Variants in AK7 observed in about 807,000 individuals in gnomAD.
AK7 encodes the protein adenylate kinase 7, also known as ATP-AMP transphosphorylase 7.
A neutral mutation model predicts 96.6 loss-of-function variants in AK7; 78 were observed. The observed-to-expected ratio is 0.81, with a 90% CI of 0.67 to 0.97. The LOEUF (loss-of-function observed/expected upper bound fraction) is 0.97. AK7 is among the 50% of genes least tolerant of loss of function. AK7 has a pLI of 0.00. For synonymous variants in AK7, 302 were observed against 317.2 expected, an observed-to-expected ratio of 0.95 and a Z score of 0.51; for missense variants, 855 against 887.9, an observed-to-expected ratio of 0.96 and a Z score of 0.47.
rs1185437460 is a variant in AK7 at position 96,471,578 on chromosome 14, C to T, written c.1458C>T (p.Thr486=). 2.5e-6 allele frequency: 4 copies of T among 1,592,484 alleles called. No homozygotes were observed. Among genetic ancestry groups the T allele is most frequent in the South Asian group, 2.3e-5 (2 of 85,922 alleles). Residue 486 remains threonine, a synonymous_variant, in exon 13 of 18, where the codon ACC becomes ACT. Coordinates refer to ENST00000267584, the MANE Select transcript of AK7 (RefSeq NM_152327.5). ...QGYILDGFPK[T]YDQAKDLFNQ... The stretch of plus-strand genomic sequence containing the variant: ...ATATTTTGGATGGATTCCCAAAGAC[C>T]TATGATCAAGCAAAAGACCTGTTCA...
intron 10 of AK7, among the ~76,000 whole-genome samples, chr14:96,454,086 A>T (rs1047156927): frequency 6.6e-6 from 1 of 152,086 alleles, no homozygotes; most frequent in African/African-American, 2.4e-5. Context: ...TCCCTATCCG[A>T]TGGGACAGCG....
chr14:96,477,101 A>G (rs997208395), intron 14 of AK7, among the ~76,000 whole-genome samples: 31 of 152,244 alleles, frequency 2.0e-4, no homozygotes, highest in African/African-American at 7.5e-4. Context: ...TGACAATCAA[A>G]TGGTAAAAGA....
intron 1 of AK7, among the ~76,000 whole-genome samples, chr14:96,397,084 G>A (rs1890123364): frequency 6.6e-6 from 1 of 152,160 alleles, no homozygotes; most frequent in African/African-American, 2.4e-5. Flanking sequence ...GCAACAGAAT[G>A]AGACTCTGTC....
At chr14:96,452,795 A>G (rs1893683100) in intron 10 of AK7, among the ~76,000 whole-genome samples, 1 of 152,080 alleles carries the variant, frequency 6.6e-6, no homozygotes. Flanking sequence ...CAACTTTTTC[A>G]AGGTCACACA....
rs185264197 is a variant in AK7, at chr14:96,395,968, T to C, written c.106-2107T>C. On this transcript the variant is annotated intron_variant, in intron 1 of 17. Coordinates refer to ENST00000267584, the MANE Select transcript of AK7 (RefSeq NM_152327.5). The stretch of plus-strand genomic sequence containing the variant: ...CTGGGATTACAGGCATGTGCCACCA[T>C]GCCCAGCTAATTTTTGTATTTTTAG... 7.4e-3 allele frequency among the ~76,000 whole-genome samples: 1,121 copies of C among 151,886 alleles called. 4 individuals carry two copies. Among genetic ancestry groups the C allele is most frequent in the Middle Eastern group, 0.027 (8 of 294 alleles).
intron 15 of AK7, 145 bp from the exon 16 acceptor site, chr14:96,482,854 G>C: frequency 2.2e-6 from 2 of 891,296 alleles, no homozygotes; most frequent in Non-Finnish European, 3.3e-6. Flanking sequence ...AAGAAATTCT[G>C]AACTATGCTG....
chr14:96,405,825 A>C (rs934619196), intron 3 of AK7, among the ~76,000 whole-genome samples: 3 of 152,212 alleles, frequency 2.0e-5, no homozygotes, highest in Admixed American at 1.3e-4. Context: ...AAATGTAATG[A>C]ATTCTAAGGA....
At chr14:96,438,313 G>T (rs1445500774) in intron 6 of AK7, among the ~76,000 whole-genome samples, 1 of 152,138 alleles carries the variant, frequency 6.6e-6, no homozygotes, top group Admixed American at 6.6e-5. Context: ...GTTGAAACAG[G>T]GTATGGAAAA....
chr14:96,443,314 C>G (rs368427008), intron 7 of AK7, among the ~76,000 whole-genome samples: 31 of 152,348 alleles, frequency 2.0e-4, no homozygotes, highest in African/African-American at 6.7e-4. Context: ...AGAAACCCTT[C>G]TCTTCCTTTG....
At chr14:96,476,459 C>G (rs932452908) in intron 14 of AK7, among the ~76,000 whole-genome samples, 1 of 150,034 alleles carries the variant, frequency 6.7e-6, no homozygotes, top group East Asian at 2.0e-4. Flanking sequence ...GAGCCAAGAT[C>G]GCGCCACCGC....
Position 96,478,314 on chromosome 14 carries a change from A to G in AK7, c.1556-151A>G, listed in dbSNP as rs184664439. On this transcript the variant is annotated intron_variant, in intron 14 of 17. Transcript: ENST00000267584. ...GAAATGGGGTGATTTTCATCTATTT[A>G]TCCTCCATGAGAGGCAGCAAAGCCA... 2.4e-3 allele frequency: 1,682 copies of G among 692,592 alleles called. 8 individuals carry two copies. The highest frequency in any genetic ancestry group is 4.6e-3 in the Admixed American group (172 of 37,342). The allele number at this position is 692,592 out of a possible 1,614,324, so 42.9% of individuals were successfully genotyped here.
chr14:96,396,072 A>C (rs747119552), intron 1 of AK7, among the ~76,000 whole-genome samples: 19 of 152,202 alleles, frequency 1.2e-4, no homozygotes, highest in Non-Finnish European at 2.2e-4. Context: ...GGCCTCCCAA[A>C]GATCTTGATT....
chr14:96,471,326 G>A (rs1294062200), intron 12 of AK7, 152 bp from the exon 13 acceptor site: 119 of 372,930 alleles, frequency 3.2e-4, no homozygotes, highest in Admixed American at 1.9e-3. Flanking sequence ...GTGAGACCCC[G>A]TCTCTTTAAA....
intron 5 of AK7, among the ~76,000 whole-genome samples, chr14:96,434,456 C>T (rs879803248): frequency 4.3e-5 from 6 of 140,974 alleles, no homozygotes; most frequent in Non-Finnish European, 7.7e-5. Context: ...CTCTCTCTCT[C>T]TGTTCTAAGC....
intron 5 of AK7, among the ~76,000 whole-genome samples, chr14:96,425,630 G>T (rs1370217626): frequency 1.3e-5 from 2 of 151,900 alleles, no homozygotes; most frequent in Non-Finnish European, 2.9e-5. Flanking sequence ...TTACAGGCAT[G>T]TGCCACCACG....
intron 2 of AK7, among the ~76,000 whole-genome samples, chr14:96,402,915 G>T (rs749576968): frequency 1.3e-5 from 2 of 150,730 alleles, no homozygotes; most frequent in Admixed American, 1.3e-4. Context: ...GATCACCTGA[G>T]GTCAGGAGTT....
In AK7 at chr14:96,400,124, C is replaced by T. The variant is rs574150151; in HGVS notation, c.294+1861C>T. Among the ~76,000 whole-genome samples the T allele has an allele frequency of 4.2e-5, 6 of 144,450 alleles. No individual in the cohort carries two copies. In the East Asian group the frequency reaches 1.0e-3, roughly 25 times the overall value. 94.8% of individuals were successfully genotyped at this position (144,450 alleles called of 152,430 possible). A position where few individuals can be genotyped will look rare whatever the true frequency, so the allele number is the denominator to read the frequency against. On this transcript the variant is annotated intron_variant, in intron 2 of 17. Coordinates refer to ENST00000267584, the MANE Select transcript of AK7 (RefSeq NM_152327.5). ...CGCGATCTCGGCTTACTGCAACCTT[C>T]GCCTCCTGGGTTCAAGCGATTCTCC...
chr14:96,434,454 C>T (rs112199285), intron 5 of AK7, among the ~76,000 whole-genome samples: 2 of 131,800 alleles, frequency 1.5e-5, no homozygotes, highest in Non-Finnish European at 3.3e-5. Flanking sequence ...CTCTCTCTCT[C>T]TCTGTTCTAA....
Position 96,407,416 on chromosome 14 carries a change from T to C in AK7, c.404-1431T>C, listed in dbSNP as rs1289121524. ...ACGCTTTCTCGTTTTAGGGTAGAAA[T>C]CAATACACTTAGATCCAGGATATCA... is the stretch of plus-strand genomic sequence containing the variant. On this transcript the variant is annotated intron_variant, in intron 3 of 17. Coordinates refer to ENST00000267584, the MANE Select transcript of AK7 (RefSeq NM_152327.5). Among the ~76,000 whole-genome samples, 7 of 152,168 alleles carry C rather than the reference T, an allele frequency of 4.6e-5. 1 individual carries two copies.
Sources: allele counts gnomAD v4.1 joint callset (sites outside exome capture counted in the v4.1 genomes callset), GRCh38; gene constraint gnomAD v4.1.1; transcripts MANE v1.5; gene names NCBI Gene and HGNC (gene_info 2026-07-23, HGNC 2026-07-21).